UBR7: variants seen among roughly 807,000 people sequenced by gnomAD.
UBR7 encodes the protein ubiquitin protein ligase E3 component n-recognin 7.
Under a neutral mutation model 57.0 loss-of-function variants are expected in UBR7, and 22 were observed. The ratio of observed to expected loss-of-function variants is 0.39; its 90% CI spans 0.28 to 0.55. The LOEUF (loss-of-function observed/expected upper bound fraction) is 0.55. Ranked by LOEUF, UBR7 falls within the 20% of genes least tolerant of loss-of-function variation. The pLI, the probability that UBR7 is intolerant of heterozygous loss-of-function variation, is 0.69. For synonymous variants in UBR7, 167 were observed against 179.8 expected (o/e 0.93, Z 0.57); for missense variants, 395 against 513.2 (o/e 0.77, Z 2.23).
rs1244060773 is a variant in UBR7 at position 93,217,348 on chromosome 14, TCTC to T, written c.602-1176_602-1174del. 5.3e-5 allele frequency among the ~76,000 whole-genome samples: 8 copies of T among 152,260 alleles called. No homozygotes were observed. The South Asian group carries it at 6.2e-4, about 12-fold the overall frequency. ...AGCTTAATTGGGTTTTTTAAATTGA[TCTC>T]CTGCCTCTCCCTTCATTTCCTCTCC... On this transcript the variant is annotated intron_variant, in intron 6 of 10. Transcript: ENST00000013070.
intron 10 of UBR7, among the ~76,000 whole-genome samples, chr14:93,224,739 G>A (rs1894810535): frequency 6.6e-6 from 1 of 152,118 alleles, no homozygotes; most frequent in African/African-American, 2.4e-5. Flanking sequence ...ACTATCCTCT[G>A]GTTAATACAG....
chr14:93,209,908 A>G lies in UBR7; in HGVS notation c.235A>G (p.Ser79Gly). ...EEPAGICLAC[S>G]YECHGSHKLF... ...ACCAGCAGGAATTTGTTTAGCTTGC[A>G]GTTATGAATGTCATGGAAGTCACAA... is the stretch of plus-strand genomic sequence containing the variant. The change falls in exon 2 of 11, where the codon AGT becomes GGT. Residue 79 changes from serine (S) to glycine (G), a missense_variant. Coordinates refer to ENST00000013070, the MANE Select transcript of UBR7 (RefSeq NM_175748.4). The G allele has an allele frequency of 1.2e-6, 2 of 1,614,100 alleles. No individual in the cohort carries two copies. Among genetic ancestry groups the G allele is most frequent in the Non-Finnish European group, 1.7e-6 (2 of 1,179,998 alleles).
At chr14:93,222,508 G>C (rs1894729779) in intron 10 of UBR7, 134 bp downstream of exon 10, 3 of 717,354 alleles carry the variant, frequency 4.2e-6, no homozygotes, top group East Asian at 5.5e-5. Context: ...ACTTTGGGAG[G>C]CCAATGTGGG....
At chr14:93,222,660 T>C (rs529787450) in intron 10 of UBR7, among the ~76,000 whole-genome samples, 2 of 151,966 alleles carry the variant, frequency 1.3e-5, no homozygotes, top group South Asian at 2.1e-4. Flanking sequence ...GGAGACTCAC[T>C]TGAACCCAGG....
intron 10 of UBR7, 125 bp downstream of exon 10, chr14:93,222,499 C>T (rs1894729588): frequency 1.3e-6 from 1 of 744,642 alleles, no homozygotes; most frequent in African/African-American, 1.7e-5. Flanking sequence ...AATCCCAGTA[C>T]TTTGGGAGGC....
At chr14:93,213,343 T>C (rs904403686) in intron 4 of UBR7, among the ~76,000 whole-genome samples, 1 of 151,642 alleles carries the variant, frequency 6.6e-6, no homozygotes, top group Non-Finnish European at 1.5e-5. Flanking sequence ...AGTCTCGCTC[T>C]GTCACCCAGG....
rs1206914988 is a variant in UBR7, at chr14:93,228,909, A to G, written c.*1874A>G. ...CACAATAGTACCGATCAGTTAACTC[A>G]GCGCTGAAGGGCTTGTTTTATGAAA... On this transcript the variant is annotated 3_prime_UTR_variant, in exon 11 of 11. Transcript: ENST00000013070. 1.5e-5 allele frequency: 7 copies of G among 454,000 alleles called. No individual in the cohort carries two copies. Among genetic ancestry groups the G allele is most frequent in the Non-Finnish European group, 3.1e-5 (7 of 226,802 alleles). 28.1% of individuals were successfully genotyped at this position (454,000 alleles called of 1,614,324 possible).
chr14:93,227,808 T>C lies in UBR7; in HGVS notation c.*773T>C, dbSNP rs1894892030. ...CTCACAGGGCTTCCTGGAGAACATT[T>C]GCCCGTATACTAGTCCCTTCTCTGC... On this transcript the variant is annotated 3_prime_UTR_variant, in exon 11 of 11. Transcript: ENST00000013070. The C allele has an allele frequency of 1.4e-6, 1 of 700,782 alleles. No individual in the cohort carries two copies. Among genetic ancestry groups the C allele is most frequent in the South Asian group, 1.5e-5 (1 of 67,516 alleles). The allele number at this position is 700,782 out of a possible 1,614,324, so 43.4% of individuals were successfully genotyped here.
chr14:93,217,319 A>AC (rs1408585863), intron 6 of UBR7, among the ~76,000 whole-genome samples: 1 of 152,062 alleles, frequency 6.6e-6, no homozygotes, highest in Non-Finnish European at 1.5e-5. Flanking sequence ...GAGCTACCAT[A>AC]CCCAGCTTAA....
chr14:93,217,691 G>C (rs1894618039), intron 6 of UBR7, among the ~76,000 whole-genome samples: 1 of 152,112 alleles, frequency 6.6e-6, no homozygotes, highest in African/African-American at 2.4e-5. Context: ...TGAATTCTTT[G>C]GGTTAGGCAG....
chr14:93,213,997 G>A (rs1894542999), intron 4 of UBR7, among the ~76,000 whole-genome samples: 1 of 151,904 alleles, frequency 6.6e-6, no homozygotes, highest in Non-Finnish European at 1.5e-5. Context: ...TGCGATCTCA[G>A]CTCACTGCAA....
At chr14:93,208,576 C>T (rs969475873) in intron 1 of UBR7, among the ~76,000 whole-genome samples, 2 of 149,000 alleles carry the variant, frequency 1.3e-5, no homozygotes, top group Non-Finnish European at 3.0e-5. Context: ...AAAAAAAATA[C>T]GGAAATTTGC....
chr14:93,224,801 C>T (rs1894812325), intron 10 of UBR7, among the ~76,000 whole-genome samples: 1 of 152,192 alleles, frequency 6.6e-6, no homozygotes, highest in Admixed American at 6.5e-5. Flanking sequence ...TGTAATGGGG[C>T]ACTCTGCCTC....
Position 93,227,742 on chromosome 14 carries a change from G to T in UBR7, c.*707G>T, listed in dbSNP as rs1005810013. The T allele has an allele frequency of 1.4e-6, 1 of 700,820 alleles. No individual in the cohort carries two copies. The highest frequency in any genetic ancestry group is 2.6e-6 in the Non-Finnish European group (1 of 384,830). The allele number at this position is 700,820 out of a possible 1,614,324, so 43.4% of individuals were successfully genotyped here. A position where few individuals can be genotyped will look rare whatever the true frequency, so the allele number is the denominator to read the frequency against. ...CAGTTCAAGTGAAATTTTCGTTCAT[G>T]ATTCTATTGGCACTAGAATTAGAAT... On this transcript the variant is annotated 3_prime_UTR_variant, in exon 11 of 11. Coordinates refer to ENST00000013070, the MANE Select transcript of UBR7 (RefSeq NM_175748.4).
intron 9 of UBR7, 69 bp from the exon 10 acceptor site, chr14:93,222,244 C>T: frequency 8.7e-7 from 1 of 1,150,432 alleles, no homozygotes; most frequent in Non-Finnish European, 1.3e-6. Context: ...GTGTCAATGG[C>T]AAAGAATATT....
rs1251099769 is a variant in UBR7 at position 93,229,092 on chromosome 14, T to C, written c.*2057T>C. ...TTTATGCAAAACACAAATATGATAT[T>C]AGTTGCTTTTAAGGAGTTCTGGCAT... On this transcript the variant is annotated 3_prime_UTR_variant, in exon 11 of 11. Transcript: ENST00000013070. 5.4e-6 allele frequency: 2 copies of C among 372,098 alleles called. No homozygotes were observed. The highest frequency in any genetic ancestry group is 1.1e-5 in the Non-Finnish European group (2 of 189,438). The allele number at this position is 372,098 out of a possible 1,614,324, so 23.0% of individuals were successfully genotyped here.
chr14:93,214,075 C>T (rs893085029), intron 4 of UBR7, among the ~76,000 whole-genome samples: 6 of 152,102 alleles, frequency 3.9e-5, no homozygotes, highest in Admixed American at 6.5e-5. Flanking sequence ...TACAGGCACT[C>T]GCCACCATGC....
At position 93,228,265 on chromosome 14, in the gene UBR7, T is replaced by G. The variant is rs1470309969; in HGVS notation, c.*1230T>G. 6.4e-6 allele frequency: 3 copies of G among 465,270 alleles called. No homozygotes were observed. The highest frequency in any genetic ancestry group is 3.1e-5 in the South Asian group (2 of 64,574). The allele number at this position is 465,270 out of a possible 1,614,324, so 28.8% of individuals were successfully genotyped here. A position where few individuals can be genotyped will look rare whatever the true frequency, so the allele number is the denominator to read the frequency against. On this transcript the variant is annotated 3_prime_UTR_variant, in exon 11 of 11. Coordinates refer to ENST00000013070, the MANE Select transcript of UBR7 (RefSeq NM_175748.4). ...GGAAGTCCTTTCAGTTGATATGAGA[T>G]CTCTTTAACACCCCTCAGTCTATGT...
chr14:93,223,574 C>T (rs1894759485), intron 10 of UBR7: 6 of 831,468 alleles, frequency 7.2e-6, no homozygotes, highest in Non-Finnish European at 1.2e-5. Context: ...TTATTTGGGG[C>T]ACACCCGGGC....
Sources: gnomAD v4.1 joint callset for allele counts (sites outside exome capture counted in the v4.1 genomes callset) on GRCh38, gnomAD v4.1.1 for gene constraint, MANE v1.5 for transcripts, NCBI Gene and HGNC (gene_info 2026-07-23, HGNC 2026-07-21) for gene names.